The following STARD10 variants were observed in gnomAD, a reference collection of about 807,000 sequenced individuals.
STARD10 encodes the protein StAR related lipid transfer domain containing 10.
STARD10 carries 24 observed loss-of-function variants against 36.0 expected under a neutral mutation model. The ratio of observed to expected loss-of-function variants is 0.67; its 90% CI spans 0.48 to 0.94. The LOEUF (loss-of-function observed/expected upper bound fraction) is 0.94, where lower values mean the gene tolerates loss of function less well. STARD10 is among the 40% of genes least tolerant of loss of function. The pLI is 0.00. For synonymous variants in STARD10, 156 were observed against 161.9 expected (o/e 0.96, Z 0.28); for missense variants, 335 against 396.6 (o/e 0.84, Z 1.32).
At chr11:72,789,006 C>T (rs1235248443) in intron 1 of STARD10, among the ~76,000 whole-genome samples, 3 of 152,168 alleles carry the variant, frequency 2.0e-5, no homozygotes, top group Non-Finnish European at 2.9e-5. Flanking sequence ...CAGGTGTGCA[C>T]TGCCACGCCC....
intron 6 of STARD10, chr11:72,755,406 G>A (rs1858631106): frequency 1.8e-6 from 1 of 564,078 alleles, no homozygotes; most frequent in Admixed American, 3.1e-5. Flanking sequence ...TGCCTTCCAG[G>A]TTCAAGTGAT....
intron 5 of STARD10, among the ~76,000 whole-genome samples, chr11:72,757,438 G>A (rs1218762106): frequency 6.6e-6 from 1 of 152,212 alleles, no homozygotes. Context: ...CCATCCCCAG[G>A]GAGAGAAGAC....
At chr11:72,780,022 G>A in intron 2 of STARD10, 1 of 301,558 alleles carries the variant, frequency 3.3e-6, no homozygotes, top group East Asian at 8.9e-5. Context: ...TAGCAGAAGG[G>A]AGAAGGCAAG....
chr11:72,771,885 G>A (rs1417704336), intron 2 of STARD10, among the ~76,000 whole-genome samples: 1 of 152,164 alleles, frequency 6.6e-6, no homozygotes, highest in Admixed American at 6.5e-5. Flanking sequence ...AAGGGAAGGG[G>A]TAGGGGATGC....
chr11:72,780,323 G>T (rs576845159), intron 2 of STARD10: 1 of 397,040 alleles, frequency 2.5e-6, no homozygotes, highest in Non-Finnish European at 5.2e-6. Flanking sequence ...TGCTCCCTAT[G>T]TTGGCTTCCC....
intron 2 of STARD10, among the ~76,000 whole-genome samples, chr11:72,761,917 C>CTTTTTTTTTTTTTTTGTTTTTTTTTT (rs1858722365): frequency 2.7e-5 from 1 of 37,472 alleles, no homozygotes; most frequent in Non-Finnish European, 4.8e-5. Context: ...CTTTTCTTTT[C>CTTTTTTTTTTTTTTTGTTTTTTTTTT]TTTTTTTTTT....
chr11:72,759,334 G>C lies in STARD10; in HGVS notation c.255C>G (p.Val85=), dbSNP rs999542587. 1 of 1,614,020 alleles carries C rather than the reference G, an allele frequency of 6.2e-7. No homozygotes were observed. The highest frequency in any genetic ancestry group is 8.5e-7 in the Non-Finnish European group (1 of 1,180,024). ...CDVPAETLYD[V]LHDIEYRKKW... The stretch of plus-strand genomic sequence containing the variant: ...TCTTGCGGTACTCAATGTCGTGTAG[G>C]ACGTCGTAGAGTGTCTCGGCTGGCA... The change falls in exon 3 of 7, where the codon GTC becomes GTG. Residue 85 remains valine, a synonymous_variant. Coordinates refer to ENST00000334805, the MANE Select transcript of STARD10 (RefSeq NM_006645.3).
intron 2 of STARD10, among the ~76,000 whole-genome samples, chr11:72,770,208 A>T (rs1273760250): frequency 1.3e-5 from 2 of 152,164 alleles, no homozygotes; most frequent in African/African-American, 4.8e-5. Flanking sequence ...AGAGATAAAA[A>T]TCACTTTTTT....
intron 2 of STARD10, among the ~76,000 whole-genome samples, chr11:72,770,659 C>A (rs1291937803): frequency 1.3e-5 from 2 of 152,220 alleles, no homozygotes; most frequent in Non-Finnish European, 2.9e-5. Context: ...TCTGCGTTGT[C>A]TGGCAGGGCT....
intron 1 of STARD10, among the ~76,000 whole-genome samples, chr11:72,787,768 C>T (rs1023443248): frequency 6.6e-6 from 1 of 152,222 alleles, no homozygotes; most frequent in African/African-American, 2.4e-5. Flanking sequence ...CTTGTGTCTT[C>T]AGGAAGGACA....
chr11:72,774,064 G>A (rs1303686432), intron 2 of STARD10, among the ~76,000 whole-genome samples: 28 of 152,208 alleles, frequency 1.8e-4, no homozygotes, highest in Non-Finnish European at 1.5e-4. Context: ...CCAGGCCCCA[G>A]CCACTCTGGC....
chr11:72,787,895 C>T (rs1306635022), intron 1 of STARD10, among the ~76,000 whole-genome samples: 1 of 152,200 alleles, frequency 6.6e-6, no homozygotes, highest in East Asian at 1.9e-4. Flanking sequence ...TTTTTTATCT[C>T]AAAGTTGGGG....
At chr11:72,762,366 T>C (rs948594556) in intron 2 of STARD10, among the ~76,000 whole-genome samples, 1 of 152,186 alleles carries the variant, frequency 6.6e-6, no homozygotes, top group Non-Finnish European at 1.5e-5. Context: ...ATACACATTA[T>C]TTTATTCTTA....
At chr11:72,765,736 C>T (rs1338633088) in intron 2 of STARD10, among the ~76,000 whole-genome samples, 7 of 151,106 alleles carry the variant, frequency 4.6e-5, no homozygotes, top group African/African-American at 9.8e-5. Flanking sequence ...TTCGGGAGGC[C>T]GAGGCGGGTG....
Position 72,781,069 on chromosome 11 carries a change from T to C in STARD10, c.113A>G (p.Glu38Gly). ...QDFRSFRSECEAEVGWNLTYS... is the reference protein window; with the variant it reads ...QDFRSFRSECGAEVGWNLTYS... ...GGTCAGGTTCCAGCCCACCTCAGCC[T>C]CACACTCTGACCGGAAGCTGCGAAA... is the stretch of plus-strand genomic sequence containing the variant. Residue 38 changes from glutamate to glycine, a missense_variant, in exon 2 of 7, where the codon GAG (glutamate) becomes GGG (glycine). Coordinates refer to ENST00000334805, the MANE Select transcript of STARD10 (RefSeq NM_006645.3). This position sits in a 1 kb window ranked among gnomAD's most constrained non-coding sequence, Gnocchi z 4.7. 1 of 1,614,070 alleles carries C rather than the reference T, an allele frequency of 6.2e-7. No homozygotes were observed. The highest frequency in any genetic ancestry group is 8.5e-7 in the Non-Finnish European group (1 of 1,180,012).
chr11:72,773,677 A>G (rs1858893695), intron 2 of STARD10, among the ~76,000 whole-genome samples: 1 of 152,160 alleles, frequency 6.6e-6, no homozygotes, highest in African/African-American at 2.4e-5. Flanking sequence ...AGTGTCTGCC[A>G]GACTAAGGGC....
chr11:72,767,105 C>T (rs1858802384), intron 2 of STARD10, among the ~76,000 whole-genome samples: 1 of 152,196 alleles, frequency 6.6e-6, no homozygotes. Context: ...ATCACCCTTT[C>T]CCAACAGAAC....
chr11:72,775,986 C>T (rs1288284041), intron 2 of STARD10, among the ~76,000 whole-genome samples: 37 of 152,194 alleles, frequency 2.4e-4, no homozygotes, highest in Admixed American at 2.4e-3. Context: ...TGATCTTTCC[C>T]TTGTCTGAGC....
intron 2 of STARD10, chr11:72,780,761 A>G: frequency 1.7e-6 from 1 of 590,740 alleles, no homozygotes; most frequent in Non-Finnish European, 3.0e-6. Context: ...TGAGAGAGGC[A>G]GGGTGAGTCA....
Sources: gnomAD v4.1 joint callset for allele counts (sites outside exome capture counted in the v4.1 genomes callset) on GRCh38, gnomAD v4.1.1 for gene constraint, Gnocchi (gnomAD v3.1) non-coding constraint, MANE v1.5 for transcripts, NCBI Gene and HGNC (gene_info 2026-07-23, HGNC 2026-07-21) for gene names.